The following ARHGEF11 variants were observed in gnomAD, a reference collection of about 807,000 sequenced individuals.
ARHGEF11 encodes the protein Rho guanine nucleotide exchange factor 11, also known as Rho guanine exchange factor (GEF) 11.
Under a neutral mutation model 193.7 loss-of-function variants are expected in ARHGEF11, and 55 were observed. The observed-to-expected ratio is 0.28, with a 90% CI of 0.23 to 0.36. ARHGEF11 has a LOEUF of 0.36. Ranked by LOEUF, ARHGEF11 falls within the 10% of genes least tolerant of loss-of-function variation. ARHGEF11 has a pLI of 1.00. For synonymous variants in ARHGEF11, 693 were observed against 768.0 expected (o/e 0.90, Z 1.62); for missense variants, 1,723 against 2,005.6 (o/e 0.86, Z 2.69).
Position 156,935,436 on chromosome 1 carries a change from C to T in ARHGEF11, c.*564G>A, listed in dbSNP as rs1654878494. On this transcript the variant is annotated 3_prime_UTR_variant, in exon 41 of 41. Coordinates refer to ENST00000368194, the MANE Select transcript of ARHGEF11 (RefSeq NM_198236.3). ...GAGATACAAGTGAAACCCCTCTTCC[C>T]TAAGCAGCTCCTTCCATAACTGCCT... 1 of 152,360 alleles carries T rather than the reference C, an allele frequency of 6.6e-6. No homozygotes were observed. Among genetic ancestry groups the T allele is most frequent in the South Asian group, 2.1e-4 (1 of 4,836 alleles). The allele number at this position is 152,360 out of a possible 1,614,324, so 9.4% of individuals were successfully genotyped here.
At chr1:157,037,331 T>C (rs1161158753) in intron 1 of ARHGEF11, among the ~76,000 whole-genome samples, 1 of 152,166 alleles carries the variant, frequency 6.6e-6, no homozygotes, top group Admixed American at 6.5e-5. Context: ...TATATATTAA[T>C]ATCAGAATTC....
intron 8 of ARHGEF11, among the ~76,000 whole-genome samples, chr1:156,970,554 T>C (rs1662357131): frequency 6.6e-6 from 1 of 152,208 alleles, no homozygotes; most frequent in South Asian, 2.1e-4. Context: ...TTAGGCATGT[T>C]ACTCTCATGT....
chr1:156,942,582 G>C, intron 33 of ARHGEF11, 108 bp downstream of exon 33: 1 of 965,384 alleles, frequency 1.0e-6, no homozygotes, highest in African/African-American at 1.6e-5. Flanking sequence ...CCCTTGTCCA[G>C]GGACTGCTTT....
chr1:156,941,856 C>A lies in ARHGEF11; in HGVS notation c.3452+8G>T, dbSNP rs191901519. The stretch of plus-strand genomic sequence containing the variant: ...AGAGTGCAGGGTCTGGAGGGCTAAG[C>A]ACTGCACCTGCTGGGTGTGGGGCCC... On this transcript the variant is annotated splice_region_variant and intron_variant, in intron 34 of 40. Transcript: ENST00000368194. 2.5e-6 allele frequency: 4 copies of A among 1,604,970 alleles called. No individual in the cohort carries two copies. The Admixed American group carries it at 5.1e-5, about 20-fold the overall frequency.
At position 156,948,234 on chromosome 1, in the gene ARHGEF11, G is replaced by A. The variant is rs1557839925; in HGVS notation, c.2106-6C>T. On this transcript the variant is annotated splice_polypyrimidine_tract_variant and splice_region_variant and intron_variant, in intron 23 of 40. Transcript: ENST00000368194. The surrounding 1 kb of genome is among the most constrained non-coding windows in gnomAD (Gnocchi z 4.2). ...GGGTTGGGTTCTCAAGAGACCTGTG[G>A]AGGGAATGTCAACTCTCAGCAACCC... The A allele has an allele frequency of 6.3e-7, 1 of 1,593,192 alleles. No homozygotes were observed.
chr1:157,038,104 C>A (rs1190646014), intron 1 of ARHGEF11, among the ~76,000 whole-genome samples: 4 of 143,042 alleles, frequency 2.8e-5, no homozygotes, highest in Non-Finnish European at 6.1e-5. Context: ...ACACTGAGAA[C>A]TGCACTGAGC....
intron 14 of ARHGEF11, 47 bp from the exon 15 acceptor site, chr1:156,960,507 C>T (rs1227778224): frequency 3.8e-6 from 6 of 1,597,340 alleles, no homozygotes; most frequent in Non-Finnish European, 8.6e-7. Context: ...CTGCACACTC[C>T]AGGGAGATGA....
At chr1:156,936,497 A>AAAAAAAAAAAATATAT (rs370282821) in intron 40 of ARHGEF11, among the ~76,000 whole-genome samples, 1 of 33,916 alleles carries the variant, frequency 2.9e-5, no homozygotes, top group African/African-American at 1.5e-4. Flanking sequence ...AAAAAAAAAA[A>AAAAAAAAAAAATATAT]ATATATATAT....
chr1:156,957,756 T>G (rs201969485), intron 18 of ARHGEF11, 36 bp downstream of exon 18: 1 of 1,611,626 alleles, frequency 6.2e-7, no homozygotes, highest in Non-Finnish European at 8.5e-7. Context: ...TCCTTCCACC[T>G]TGAAAGCTGC....
intron 40 of ARHGEF11, among the ~76,000 whole-genome samples, chr1:156,936,497 A>AAAT (rs370282821): frequency 1.1e-3 from 36 of 33,938 alleles, no homozygotes; most frequent in African/African-American, 3.5e-3. Flanking sequence ...AAAAAAAAAA[A>AAAT]ATATATATAT....
At chr1:156,996,728 A>C (rs1480180669) in intron 1 of ARHGEF11, among the ~76,000 whole-genome samples, 2 of 132,960 alleles carry the variant, frequency 1.5e-5, no homozygotes, top group Admixed American at 8.4e-5. Context: ...AGCCGAGATC[A>C]CGCCACTGCA....
intron 8 of ARHGEF11, among the ~76,000 whole-genome samples, chr1:156,970,934 C>G (rs1418552672): frequency 6.6e-6 from 1 of 152,188 alleles, no homozygotes; most frequent in East Asian, 1.9e-4. Context: ...TATGAGAAGT[C>G]CTTCAGAAAA....
intron 19 of ARHGEF11, 21 bp downstream of exon 19, chr1:156,956,399 G>A (rs1329486182): frequency 1.2e-6 from 2 of 1,612,878 alleles, no homozygotes; most frequent in Non-Finnish European, 1.7e-6. Context: ...ACAGGCATGA[G>A]CCACCATGCC....
In ARHGEF11 at chr1:156,959,974, G is replaced by A. The variant is rs575445251; in HGVS notation, c.1282+444C>T. Among the ~76,000 whole-genome samples, 3 of 122,824 alleles carry A rather than the reference G, an allele frequency of 2.4e-5. No homozygotes were observed. The South Asian group carries it at 7.4e-4, about 30-fold the overall frequency. The allele number at this position is 122,824 out of a possible 152,430, so 80.6% of individuals were successfully genotyped here. A position where few individuals can be genotyped will look rare whatever the true frequency, so the allele number is the denominator to read the frequency against. ...AAACAATAAGAAAAACCACTCTGGA[G>A]ATTCCAACTCTGCAGGGAGGATGGA... On this transcript the variant is annotated intron_variant, in intron 15 of 40. Coordinates refer to ENST00000368194, the MANE Select transcript of ARHGEF11 (RefSeq NM_198236.3).
chr1:157,038,400 G>A (rs1267330950), intron 1 of ARHGEF11, among the ~76,000 whole-genome samples: 1 of 152,192 alleles, frequency 6.6e-6, no homozygotes, highest in African/African-American at 2.4e-5. Flanking sequence ...AAAATCTTAA[G>A]GAAGTCAACA....
chr1:157,006,792 G>A (rs1667879120), intron 1 of ARHGEF11, among the ~76,000 whole-genome samples: 1 of 152,174 alleles, frequency 6.6e-6, no homozygotes, highest in South Asian at 2.1e-4. Flanking sequence ...GGTATGTGAT[G>A]CCACCCCCAT....
chr1:156,942,748 T>C lies in ARHGEF11; in HGVS notation c.3268A>G (p.Lys1090Glu). The C allele has an allele frequency of 6.2e-7, 1 of 1,614,096 alleles. No individual in the cohort carries two copies. The highest frequency in any genetic ancestry group is 8.5e-7 in the Non-Finnish European group (1 of 1,179,962). Residue 1090 changes from lysine (K) to glutamate (E), a missense_variant, in exon 33 of 41, where the codon AAG becomes GAG. Lys to Glu is a moderately conservative substitution (Grantham distance 56, BLOSUM62 1). Coordinates refer to ENST00000368194, the MANE Select transcript of ARHGEF11 (RefSeq NM_198236.3). ...TCATAGATCTGGGGTGGGCCCAGCT[T>C]GGAGGTGCAGATGATGAAGAAGGCC... The part of the protein sequence containing the change: ...KRAFFIICTS[K>E]LGPPQIYELV...
chr1:157,006,950 T>C (rs1667894117), intron 1 of ARHGEF11, among the ~76,000 whole-genome samples: 1 of 152,190 alleles, frequency 6.6e-6, no homozygotes, highest in Non-Finnish European at 1.5e-5. Flanking sequence ...TTGGTAGCCC[T>C]TTCTAACTGA....
chr1:156,955,888 G>A, intron 19 of ARHGEF11, 89 bp from the exon 20 acceptor site: 2 of 1,001,264 alleles, frequency 2.0e-6, no homozygotes, highest in South Asian at 1.3e-5. Flanking sequence ...CCCCAAGGCT[G>A]GCCCTCAGCA....
Sources: allele counts gnomAD v4.1 joint callset (sites outside exome capture counted in the v4.1 genomes callset), GRCh38; gene constraint gnomAD v4.1.1; non-coding constraint Gnocchi (gnomAD v3.1); transcripts MANE v1.5; gene names NCBI Gene and HGNC (gene_info 2026-07-23, HGNC 2026-07-21).